Variants in ZNF385D observed in about 807,000 individuals in gnomAD.
ZNF385D encodes the protein zinc finger protein 659.
In ZNF385D, 15 loss-of-function variants were observed where a neutral mutation model predicts 35.8. That is an observed-to-expected ratio of 0.42 (90% CI 0.28 to 0.64). The LOEUF (loss-of-function observed/expected upper bound fraction) is 0.64, where lower values mean the gene tolerates loss of function less well. ZNF385D is among the 30% of genes least tolerant of loss of function. The pLI, the probability that ZNF385D is intolerant of heterozygous loss-of-function variation, is 0.23. For missense variants in ZNF385D, 474 were observed against 494.6 expected (o/e 0.96, Z 0.39); for synonymous variants, 212 against 186.8 (o/e 1.13, Z -1.10).
chr3:22,316,394 G>C (rs1475162779), intron 2 of ZNF385D, among the ~76,000 whole-genome samples: 1 of 152,110 alleles, frequency 6.6e-6, no homozygotes. Context: ...AATAAAGTAG[G>C]TCTTTCTTTA....
At chr3:21,799,325 C>T (rs2072294451) in intron 3 of ZNF385D, among the ~76,000 whole-genome samples, 1 of 152,094 alleles carries the variant, frequency 6.6e-6, no homozygotes, top group South Asian at 2.1e-4. Flanking sequence ...ATTGCCAAGT[C>T]ATATGGTAAC....
At chr3:22,254,411 A>G (rs1700211730) in intron 2 of ZNF385D, among the ~76,000 whole-genome samples, 1 of 151,846 alleles carries the variant, frequency 6.6e-6, no homozygotes, top group African/African-American at 2.4e-5. Context: ...AAAAACTGAC[A>G]TTTACTATCA....
intron 3 of ZNF385D, among the ~76,000 whole-genome samples, chr3:21,801,137 C>T (rs936352856): frequency 2.0e-5 from 3 of 152,082 alleles, no homozygotes; most frequent in Non-Finnish European, 4.4e-5. Context: ...TCATTGATTT[C>T]ATATGTTGAA....
chr3:22,359,210 T>C (rs1696300801), intron 2 of ZNF385D, among the ~76,000 whole-genome samples: 1 of 151,840 alleles, frequency 6.6e-6, no homozygotes, highest in Non-Finnish European at 1.5e-5. Context: ...TCTACCATCA[T>C]TAGTTAATGC....
intron 3 of ZNF385D, among the ~76,000 whole-genome samples, chr3:21,846,409 C>CA (rs1696009112): frequency 6.6e-6 from 1 of 151,976 alleles, no homozygotes; most frequent in Non-Finnish European, 1.5e-5. Flanking sequence ...TAAACTAATA[C>CA]AGTAGGGAAA....
chr3:22,192,279 G>A (rs1475654574), intron 2 of ZNF385D, among the ~76,000 whole-genome samples: 1 of 152,088 alleles, frequency 6.6e-6, no homozygotes, highest in Non-Finnish European at 1.5e-5. Flanking sequence ...GCAATGAGTT[G>A]CCAATAGCCT....
intron 3 of ZNF385D, among the ~76,000 whole-genome samples, chr3:21,560,461 T>A (rs907879403): frequency 1.3e-5 from 2 of 152,216 alleles, no homozygotes; most frequent in African/African-American, 4.8e-5. Flanking sequence ...TGCCTGGGTA[T>A]CACCAGCAGA....
chr3:21,536,092 CTTAATGA>C (rs932325464), intron 3 of ZNF385D, among the ~76,000 whole-genome samples: 27 of 142,258 alleles, frequency 1.9e-4, no homozygotes, highest in Admixed American at 1.7e-3. Context: ...CCAAAACTTT[CTTAATGA>C]TTAAACAGTA....
intron 3 of ZNF385D, among the ~76,000 whole-genome samples, chr3:22,081,619 T>C (rs2125583729): frequency 6.6e-6 from 1 of 152,284 alleles, no homozygotes; most frequent in South Asian, 2.1e-4. Flanking sequence ...AGCCAACTGT[T>C]GTCACAGTAA....
intron 3 of ZNF385D, among the ~76,000 whole-genome samples, chr3:21,548,949 G>T (rs1442874989): frequency 1.3e-5 from 2 of 151,970 alleles, no homozygotes; most frequent in South Asian, 4.1e-4. Flanking sequence ...ACATCACTAT[G>T]GTTTGTATGA....
chr3:21,503,833 A>C (rs1006806548), intron 4 of ZNF385D, among the ~76,000 whole-genome samples: 2 of 152,186 alleles, frequency 1.3e-5, no homozygotes, highest in African/African-American at 4.8e-5. Flanking sequence ...AAACACTTAC[A>C]GTCAATTATG....
chr3:22,285,686 C>G (rs973381073), intron 2 of ZNF385D, among the ~76,000 whole-genome samples: 1 of 152,038 alleles, frequency 6.6e-6, no homozygotes, highest in African/African-American at 2.4e-5. Flanking sequence ...TCCCCCCTCT[C>G]CCCACCCCAC....
chr3:21,586,494 T>C (rs138154374), intron 2 of ZNF385D, among the ~76,000 whole-genome samples: 102 of 152,324 alleles, frequency 6.7e-4, no homozygotes, highest in African/African-American at 2.2e-3. Flanking sequence ...TGATGAAATA[T>C]ATAATCATTA....
At chr3:21,722,968 G>A (rs2068604550) in intron 1 of ZNF385D, among the ~76,000 whole-genome samples, 1 of 152,136 alleles carries the variant, frequency 6.6e-6, no homozygotes, top group African/African-American at 2.4e-5. Context: ...AGCTCTTTGA[G>A]TCCTAGCTCA....
At chr3:21,678,774 G>T (rs1326485336) in intron 1 of ZNF385D, among the ~76,000 whole-genome samples, 1 of 152,070 alleles carries the variant, frequency 6.6e-6, no homozygotes, top group African/African-American at 2.4e-5. Context: ...TTTCCTGAAT[G>T]ATTCTGATCT....
intron 3 of ZNF385D, among the ~76,000 whole-genome samples, chr3:21,942,397 A>G (rs1023304663): frequency 1.3e-5 from 2 of 152,212 alleles, no homozygotes; most frequent in African/African-American, 4.8e-5. Flanking sequence ...ACTATGACAC[A>G]TAATACAAAC....
At chr3:21,560,352 T>A (rs7650823) in intron 3 of ZNF385D, among the ~76,000 whole-genome samples, 105,263 of 152,060 alleles carry the variant, frequency 0.69, 37,578 homozygotes, top group African/African-American at 0.88. Flanking sequence ...GTCAGTGGAC[T>A]TCCTTTTTGT....
At chr3:21,902,317 G>A (rs777790711) in intron 3 of ZNF385D, among the ~76,000 whole-genome samples, 4 of 152,082 alleles carry the variant, frequency 2.6e-5, no homozygotes, top group Non-Finnish European at 5.9e-5. Context: ...AGTATGACTT[G>A]TGTTGTTCTA....
At chr3:21,975,372 G>C (rs369847326) in intron 3 of ZNF385D, among the ~76,000 whole-genome samples, 15 of 152,140 alleles carry the variant, frequency 9.9e-5, no homozygotes, top group Middle Eastern at 3.4e-3. Context: ...GCAACTCATG[G>C]AGAGAGAGAG....
Sources: gnomAD v4.1 joint callset for allele counts (sites outside exome capture counted in the v4.1 genomes callset) on GRCh38, gnomAD v4.1.1 for gene constraint, MANE v1.5 for transcripts, NCBI Gene and HGNC (gene_info 2026-07-23, HGNC 2026-07-21) for gene names.